The following UBXN2A variants were observed in gnomAD, a reference collection of about 807,000 sequenced individuals.
The protein encoded by UBXN2A is UBX domain protein 2A.
UBXN2A carries 28 observed loss-of-function variants against 28.4 expected under a neutral mutation model. The observed-to-expected ratio is 0.99, with a 90% CI of 0.73 to 1.35. The LOEUF (loss-of-function observed/expected upper bound fraction) is 1.35, where lower values mean the gene tolerates loss of function less well. Ranked by LOEUF, UBXN2A falls within the 40% of genes most tolerant of loss-of-function variation. UBXN2A has a pLI of 0.00. For missense variants in UBXN2A, 253 were observed against 297.9 expected (o/e 0.85, Z 1.11); for synonymous variants, 97 against 103.6 (o/e 0.94, Z 0.39).
chr2:23,932,853 C>A (rs564498525), intron 1 of UBXN2A, among the ~76,000 whole-genome samples: 4 of 152,224 alleles, frequency 2.6e-5, no homozygotes, highest in African/African-American at 9.6e-5. Context: ...CGCCTGTAAT[C>A]CCAGACTTGG....
chr2:23,944,233 A>T lies in UBXN2A; in HGVS notation c.-15+3585A>T, dbSNP rs550069566. 9 of 1,594,854 alleles carry T rather than the reference A, an allele frequency of 5.6e-6. 1 individual carries two copies. The South Asian group carries it at 9.9e-5, about 18-fold the overall frequency. ...TTCCCTCTCATGTATCATACCTGGA[A>T]TGGGATCCAACACTTGATGTGGGAC... On this transcript the variant is annotated intron_variant, in intron 1 of 6. Coordinates refer to ENST00000309033, the MANE Select transcript of UBXN2A (RefSeq NM_181713.4).
chr2:23,971,505 T>C (rs1707420339), intron 3 of UBXN2A, 91 bp downstream of exon 3: 10 of 1,359,640 alleles, frequency 7.4e-6, no homozygotes, highest in Admixed American at 2.4e-5. Flanking sequence ...ATTGTTTTGT[T>C]TGAGACAAGG....
chr2:23,999,076 T>G (rs1708649351), intron 6 of UBXN2A, among the ~76,000 whole-genome samples: 1 of 152,246 alleles, frequency 6.6e-6, no homozygotes, highest in African/African-American at 2.4e-5. Flanking sequence ...TGGCACGTAG[T>G]GAATTTTAGT....
At chr2:23,990,779 A>C (rs1220294997) in intron 6 of UBXN2A, among the ~76,000 whole-genome samples, 1 of 152,084 alleles carries the variant, frequency 6.6e-6, no homozygotes, top group Non-Finnish European at 1.5e-5. Flanking sequence ...ATCTCAAAAA[A>C]AAAAAAAAAG....
chr2:23,945,598 C>T (rs532290517), intron 1 of UBXN2A, among the ~76,000 whole-genome samples: 7 of 152,058 alleles, frequency 4.6e-5, no homozygotes, highest in African/African-American at 1.7e-4. Context: ...CTGGAATGGC[C>T]TTATCCTTAA....
At chr2:23,975,794 A>G (rs1224918076) in intron 3 of UBXN2A, among the ~76,000 whole-genome samples, 1 of 151,836 alleles carries the variant, frequency 6.6e-6, no homozygotes, top group Non-Finnish European at 1.5e-5. Context: ...TGCCTGGCTA[A>G]TTTGTATTTT....
At chr2:23,968,031 C>T (rs1343583814) in intron 2 of UBXN2A, among the ~76,000 whole-genome samples, 2 of 151,908 alleles carry the variant, frequency 1.3e-5, no homozygotes, top group Non-Finnish European at 2.9e-5. Flanking sequence ...ACACTACAGC[C>T]TCAAACTCCT....
intron 2 of UBXN2A, among the ~76,000 whole-genome samples, chr2:23,968,154 G>A (rs1454317322): frequency 6.6e-6 from 1 of 152,172 alleles, no homozygotes; most frequent in African/African-American, 2.4e-5. Context: ...GACATTGGTA[G>A]CTTGAGTTCA....
At position 23,982,902 on chromosome 2, in the gene UBXN2A, A is replaced by G. The variant is rs746666094; in HGVS notation, c.294A>G (p.Leu98=). 1.1e-5 allele frequency: 18 copies of G among 1,601,344 alleles called. No homozygotes were observed. In the South Asian group the frequency reaches 1.8e-4, roughly 16 times the overall value. Residue 98 remains leucine, a synonymous_variant, in exon 5 of 7, where the codon TTA becomes TTG. Coordinates refer to ENST00000309033, the MANE Select transcript of UBXN2A (RefSeq NM_181713.4). ...QFLNSIKKGE[L]PSELQGIFDK... is the part of the protein sequence containing the mutation. ...TCTTTCTTTGTTTTCCAAGGGAATT[A>G]CCTTCAGAATTACAGGGAATTTTTG...
rs371607233 is a variant in UBXN2A, at chr2:23,999,657, T to C, written c.585-15T>C. 1 of 1,588,806 alleles carries C rather than the reference T, an allele frequency of 6.3e-7. No homozygotes were observed. The highest frequency in any genetic ancestry group is 1.2e-5 in the South Asian group (1 of 85,534). On this transcript the variant is annotated splice_polypyrimidine_tract_variant and intron_variant, in intron 6 of 6. Coordinates refer to ENST00000309033, the MANE Select transcript of UBXN2A (RefSeq NM_181713.4). ...TTTTCCTAAAATTATATTAATAGTT[T>C]TTGCTGTTTTACAGAGTAAGCCATA...
At chr2:23,992,063 C>T (rs1164363231) in intron 6 of UBXN2A, among the ~76,000 whole-genome samples, 2 of 152,174 alleles carry the variant, frequency 1.3e-5, no homozygotes, top group Non-Finnish European at 2.9e-5. Context: ...CCTCCGCCTC[C>T]CTGGTTCATG....
At chr2:23,985,631 ACT>A (rs1708097121) in intron 6 of UBXN2A, among the ~76,000 whole-genome samples, 1 of 139,168 alleles carries the variant, frequency 7.2e-6, no homozygotes, top group African/African-American at 2.7e-5. Context: ...GCAAGGTCTC[ACT>A]CTGTCACCCA....
At chr2:23,936,187 T>G (rs1378898761), upstream of UBXN2A, among the ~76,000 whole-genome samples, 2 of 152,044 alleles carry the variant, frequency 1.3e-5, no homozygotes, top group African/African-American at 2.4e-5. Flanking sequence ...AGCAGAAAGG[T>G]GGAAGCAACC....
At chr2:23,966,664 GA>G (rs1438783768) in intron 2 of UBXN2A, among the ~76,000 whole-genome samples, 3 of 144,268 alleles carry the variant, frequency 2.1e-5, no homozygotes, top group South Asian at 2.2e-4. Flanking sequence ...TGTTAGCCAG[GA>G]TGGTCTCGAT....
chr2:23,948,636 C>G (rs1199438554), intron 1 of UBXN2A, among the ~76,000 whole-genome samples: 1 of 152,050 alleles, frequency 6.6e-6, no homozygotes, highest in Non-Finnish European at 1.5e-5. Context: ...ATCTTCAGTC[C>G]TCAGAACAAC....
chr2:23,935,650 C>T (rs1705502101), upstream of UBXN2A, among the ~76,000 whole-genome samples: 1 of 152,242 alleles, frequency 6.6e-6, no homozygotes, highest in East Asian at 1.9e-4. Context: ...ACTAGTACAT[C>T]GCTGGTAGGA....
chr2:23,981,085 C>T (rs1262761012), intron 4 of UBXN2A, among the ~76,000 whole-genome samples: 1 of 151,988 alleles, frequency 6.6e-6, no homozygotes. Flanking sequence ...AAAACAATTA[C>T]CTAGAATTGC....
At position 24,000,176 on chromosome 2, in the gene UBXN2A, T is replaced by C; in HGVS notation, c.*309T>C. ...TTAATATGGTATAAATTAGCATATG[T>C]ATTCACAATATTCATTCAGACATCA... is the stretch of plus-strand genomic sequence containing the variant. On this transcript the variant is annotated 3_prime_UTR_variant, in exon 7 of 7. Coordinates refer to ENST00000309033, the MANE Select transcript of UBXN2A (RefSeq NM_181713.4). The C allele has an allele frequency of 4.3e-6, 1 of 232,254 alleles. No individual in the cohort carries two copies. 14.4% of individuals were successfully genotyped at this position (232,254 alleles called of 1,614,324 possible).
chr2:23,949,919 A>T (rs1175735977), intron 1 of UBXN2A, among the ~76,000 whole-genome samples: 2 of 152,042 alleles, frequency 1.3e-5, no homozygotes, highest in Non-Finnish European at 2.9e-5. Flanking sequence ...GTACAAGTAT[A>T]ATTTTGTTAC....
Sources: gnomAD v4.1 joint callset for allele counts (sites outside exome capture counted in the v4.1 genomes callset) on GRCh38, gnomAD v4.1.1 for gene constraint, MANE v1.5 for transcripts, NCBI Gene and HGNC (gene_info 2026-07-23, HGNC 2026-07-21) for gene names.